Variants in BTN3A1 observed in about 807,000 individuals in gnomAD.
BTN3A1 encodes butyrophilin subfamily 3 member A1.
BTN3A1 carries 24 observed loss-of-function variants against 43.0 expected under a neutral mutation model. The observed-to-expected ratio is 0.56, with a 90% CI of 0.40 to 0.78. BTN3A1 has a LOEUF of 0.78. Among genes scored for constraint, BTN3A1 ranks in the 30% least tolerant of loss-of-function variants. BTN3A1 has a pLI of 0.00. For synonymous variants in BTN3A1, 181 were observed against 234.7 expected, an observed-to-expected ratio of 0.77 and a Z score of 2.09; for missense variants, 533 against 626.2, an observed-to-expected ratio of 0.85 and a Z score of 1.59.
chr6:26,405,523 T>A lies in BTN3A1; in HGVS notation c.-41T>A, dbSNP rs1228465789. 1 of 1,577,404 alleles carries A rather than the reference T, an allele frequency of 6.3e-7. No individual in the cohort carries two copies. Among genetic ancestry groups the A allele is most frequent in the South Asian group, 1.1e-5 (1 of 90,228 alleles). ...CTATAGCTTCTTCCAGGTCATAGTG[T>A]CTGCCCCCCACCTTCCAGTATCTCC... On this transcript the variant is annotated 5_prime_UTR_variant, in exon 2 of 10. Transcript: ENST00000289361.
chr6:26,405,765 A>G (rs1761995517), intron 2 of BTN3A1, 117 bp downstream of exon 2: 10 of 1,579,626 alleles, frequency 6.3e-6, no homozygotes, highest in Non-Finnish European at 8.7e-6. Context: ...TTCACCCGTC[A>G]CTAAGAGACA....
intron 1 of BTN3A1, among the ~76,000 whole-genome samples, 193 bp from the exon 2 acceptor site, chr6:26,405,179 C>T (rs1471296878): frequency 1.3e-5 from 2 of 152,190 alleles, no homozygotes; most frequent in Admixed American, 1.3e-4. Context: ...GGGACACCCA[C>T]AGCGGTCGAC....
chr6:26,411,265 G>A (rs766636074), intron 8 of BTN3A1, 130 bp downstream of exon 8: 98 of 1,233,294 alleles, frequency 7.9e-5, no homozygotes, highest in Non-Finnish European at 1.1e-4. Context: ...CAATTTGTGT[G>A]TTGTGGGGGG....
chr6:26,413,742 A>G lies in BTN3A1; in HGVS notation c.*50A>G, dbSNP rs1011178858. The G allele has an allele frequency of 6.2e-7, 1 of 1,607,406 alleles. No individual in the cohort carries two copies. The highest frequency in any genetic ancestry group is 8.5e-7 in the Non-Finnish European group (1 of 1,179,858). The stretch of plus-strand genomic sequence containing the variant: ...TCTGACCGAGTGCTGATCATTCCCT[A>G]GAGACACCAGTAACCCCGGGCTTAG... On this transcript the variant is annotated 3_prime_UTR_variant, in exon 10 of 10. Coordinates refer to ENST00000289361, the MANE Select transcript of BTN3A1 (RefSeq NM_007048.6).
At chr6:26,410,897 A>G (rs1762190188) in intron 7 of BTN3A1, among the ~76,000 whole-genome samples, 1 of 150,824 alleles carries the variant, frequency 6.6e-6, no homozygotes, top group South Asian at 2.1e-4. Flanking sequence ...GAACTCTCGC[A>G]ATGTCTGCCA....
Position 26,413,718 on chromosome 6 carries a change from C to T in BTN3A1, c.*26C>T. 6.2e-7 allele frequency: 1 copy of T among 1,610,174 alleles called. No homozygotes were observed. Among genetic ancestry groups the T allele is most frequent in the Non-Finnish European group, 8.5e-7 (1 of 1,179,620 alleles). On this transcript the variant is annotated 3_prime_UTR_variant, in exon 10 of 10. Transcript: ENST00000289361. Reference sequence around the variant, plus strand: ...AAAGAAGAAGAGAGTTCCTCCAATTCTGACCGAGTGCTGATCATTCCCTAG... The same window carrying T: ...AAAGAAGAAGAGAGTTCCTCCAATTTTGACCGAGTGCTGATCATTCCCTAG...
intron 9 of BTN3A1, chr6:26,412,712 A>G: frequency 6.4e-7 from 1 of 1,551,482 alleles, no homozygotes; most frequent in South Asian, 1.2e-5. Context: ...CAGGTGAGGA[A>G]ATGCTTCAGA....
chr6:26,412,565 C>T, intron 9 of BTN3A1: 2 of 1,547,168 alleles, frequency 1.3e-6, no homozygotes, highest in Non-Finnish European at 1.7e-6. Context: ...TATAAGGCAC[C>T]ACATAGAGCC....
intron 1 of BTN3A1, chr6:26,404,022 A>C (rs955435309): frequency 6.6e-6 from 1 of 152,218 alleles, no homozygotes; most frequent in African/African-American, 2.4e-5. Context: ...ATGTGGTGAA[A>C]TGCATTGTTT....
intron 7 of BTN3A1, 84 bp from the exon 8 acceptor site, chr6:26,411,025 A>AAAAAAAAAAAAAT: frequency 2.5e-6 from 2 of 796,988 alleles, no homozygotes; most frequent in Non-Finnish European, 3.9e-6. Flanking sequence ...AAAAAAAAAG[A>AAAAAAAAAAAAAT]TTAGATGGAT....
rs555838811 is a variant in BTN3A1, at chr6:26,411,792, C to G, written c.1018+211C>G. The G allele has an allele frequency of 7.4e-5, 43 of 582,602 alleles. 1 individual carries two copies. The highest frequency in any genetic ancestry group is 4.4e-4 in the South Asian group (19 of 42,710). 36.1% of individuals were successfully genotyped at this position (582,602 alleles called of 1,614,324 possible). ...GCCCAGGGAACCAGGGCGAATAGAT[C>G]TCTTGCACTTCCTCAGACCTTCCTG... On this transcript the variant is annotated intron_variant, in intron 9 of 9. Transcript: ENST00000289361.
intron 1 of BTN3A1, 59 bp from the exon 2 acceptor site, chr6:26,405,313 C>T (rs1761974830): frequency 1.7e-6 from 1 of 581,648 alleles, no homozygotes; most frequent in South Asian, 2.1e-5. Context: ...TTAAACAGTA[C>T]AGTGAGGATT....
chr6:26,412,779 G>A (rs1244692944), intron 9 of BTN3A1: 6 of 1,551,318 alleles, frequency 3.9e-6, no homozygotes, highest in Non-Finnish European at 5.2e-6. Flanking sequence ...TGCAGAAAAG[G>A]GGAACTCATT....
intron 8 of BTN3A1, 140 bp downstream of exon 8, chr6:26,411,275 G>GA (rs1762208640): frequency 8.3e-7 from 1 of 1,201,826 alleles, no homozygotes; most frequent in African/African-American, 1.5e-5. Flanking sequence ...GTTGTGGGGG[G>GA]TTGATTTCTG....
chr6:26,411,515 A>G (rs1762217782), intron 8 of BTN3A1, 40 bp from the exon 9 acceptor site: 5 of 1,605,560 alleles, frequency 3.1e-6, no homozygotes, highest in Non-Finnish European at 4.3e-6. Flanking sequence ...AAAGTACAAG[A>G]ATACTGACCT....
chr6:26,411,547 C>T lies in BTN3A1; in HGVS notation c.992-8C>T, dbSNP rs754704911. 8.1e-6 allele frequency: 13 copies of T among 1,613,474 alleles called. No individual in the cohort carries two copies. The highest frequency in any genetic ancestry group is 1.0e-5 in the Non-Finnish European group (12 of 1,179,598). Reference sequence around the variant, plus strand: ...ACCTTTTCCTTATCTGTGTCTCCTTCCTTTCAGAATGGAAAAAGGCCCTCT... The same window carrying T: ...ACCTTTTCCTTATCTGTGTCTCCTTTCTTTCAGAATGGAAAAAGGCCCTCT... On this transcript the variant is annotated splice_region_variant and splice_polypyrimidine_tract_variant and intron_variant, in intron 8 of 9. Transcript: ENST00000289361.
intron 5 of BTN3A1, 43 bp from the exon 6 acceptor site, chr6:26,409,851 C>G (rs374780315): frequency 3.1e-6 from 5 of 1,613,938 alleles, no homozygotes; most frequent in Non-Finnish European, 4.2e-6. Flanking sequence ...TAGAAAACCC[C>G]CTCACCTGTA....
intron 1 of BTN3A1, 22 bp downstream of exon 1, chr6:26,402,434 G>A (rs745646642): frequency 6.6e-6 from 1 of 152,348 alleles, no homozygotes; most frequent in Non-Finnish European, 1.5e-5. Context: ...AAGTCGATTA[G>A]AGCCTGGTTC....
In BTN3A1 at chr6:26,413,762, G is replaced by C; in HGVS notation, c.*70G>C. 1 of 1,604,166 alleles carries C rather than the reference G, an allele frequency of 6.2e-7. No homozygotes were observed. The highest frequency in any genetic ancestry group is 8.5e-7 in the Non-Finnish European group (1 of 1,179,858). On this transcript the variant is annotated 3_prime_UTR_variant, in exon 10 of 10. Transcript: ENST00000289361. ...TCCCTAGAGACACCAGTAACCCCGGGCTTAGCTAACGAAAGTGGGGAGCCT... is the reference window on the plus strand; with the variant it reads ...TCCCTAGAGACACCAGTAACCCCGGCCTTAGCTAACGAAAGTGGGGAGCCT...
Sources: allele counts gnomAD v4.1 joint callset (sites outside exome capture counted in the v4.1 genomes callset), GRCh38; gene constraint gnomAD v4.1.1; transcripts MANE v1.5; gene names NCBI Gene and HGNC (gene_info 2026-07-23, HGNC 2026-07-21).